The following TMEM45A variants were observed in gnomAD, a reference collection of about 807,000 sequenced individuals.
TMEM45A encodes the protein DNA polymerase-transactivated protein 4.
TMEM45A carries 25 observed loss-of-function variants against 32.0 expected under a neutral mutation model. The observed-to-expected ratio is 0.78, with a 90% CI of 0.57 to 1.09. TMEM45A has a LOEUF of 1.09. TMEM45A is among the 50% of genes least tolerant of loss of function. The pLI is 0.00. For synonymous variants in TMEM45A, 122 were observed against 114.8 expected, an observed-to-expected ratio of 1.06 and a Z score of -0.40; for missense variants, 302 against 325.0, an observed-to-expected ratio of 0.93 and a Z score of 0.54.
At chr3:100,497,083 A>G (rs1490581814) in intron 1 of TMEM45A, among the ~76,000 whole-genome samples, 1 of 152,164 alleles carries the variant, frequency 6.6e-6, no homozygotes, top group Non-Finnish European at 1.5e-5. Flanking sequence ...TTCCTTAAAT[A>G]TTTTGTGTAT....
At chr3:100,530,677 T>TA (rs1705628537) in intron 1 of TMEM45A, among the ~76,000 whole-genome samples, 1 of 152,278 alleles carries the variant, frequency 6.6e-6, no homozygotes, top group African/African-American at 2.4e-5. Flanking sequence ...AAAGATTCTT[T>TA]AAAAAATGTA....
chr3:100,556,352 C>A (rs1327272122), intron 2 of TMEM45A, among the ~76,000 whole-genome samples: 1 of 152,216 alleles, frequency 6.6e-6, no homozygotes, highest in African/African-American at 2.4e-5. Flanking sequence ...TGGTACCAAG[C>A]ACAATCCCCT....
chr3:100,570,764 C>T (rs1236810561), intron 5 of TMEM45A: 1 of 152,216 alleles, frequency 6.6e-6, no homozygotes, highest in African/African-American at 2.4e-5. Context: ...CCCTAATGGG[C>T]CTCTTATCCA....
At chr3:100,493,418 A>G (rs1707876883) in intron 1 of TMEM45A, among the ~76,000 whole-genome samples, 1 of 152,000 alleles carries the variant, frequency 6.6e-6, no homozygotes, top group Non-Finnish European at 1.5e-5. Flanking sequence ...TGGGTTATGC[A>G]GGTAGTTGCT....
intron 1 of TMEM45A, among the ~76,000 whole-genome samples, chr3:100,547,208 G>A (rs143322077): frequency 1.3e-5 from 2 of 152,106 alleles, no homozygotes; most frequent in East Asian, 1.9e-4. Context: ...TGCAACCTCC[G>A]CCTTCCAGGT....
chr3:100,561,216 G>A (rs1000422366), intron 4 of TMEM45A, among the ~76,000 whole-genome samples: 4 of 152,048 alleles, frequency 2.6e-5, no homozygotes, highest in Non-Finnish European at 5.9e-5. Flanking sequence ...GCTTCCAGTC[G>A]GTAAGTGTGG....
chr3:100,573,438 TG>T (rs1706613119), intron 5 of TMEM45A: 1 of 152,256 alleles, frequency 6.6e-6, no homozygotes. Flanking sequence ...TTGCGATTTT[TG>T]TACATTGATT....
chr3:100,538,752 AC>A (rs1162451353), intron 1 of TMEM45A, among the ~76,000 whole-genome samples: 3 of 152,196 alleles, frequency 2.0e-5, no homozygotes, highest in Non-Finnish European at 4.4e-5. Context: ...ATAAAAGTTA[AC>A]AAAAAGATAT....
At chr3:100,526,346 T>C (rs1705544208) in intron 1 of TMEM45A, among the ~76,000 whole-genome samples, 2 of 152,200 alleles carry the variant, frequency 1.3e-5, no homozygotes, top group African/African-American at 2.4e-5. Flanking sequence ...CATCTTCCCA[T>C]ATTTCTACTC....
chr3:100,540,645 A>T (rs970572525), intron 1 of TMEM45A, among the ~76,000 whole-genome samples: 1 of 152,214 alleles, frequency 6.6e-6, no homozygotes, highest in African/African-American at 2.4e-5. Context: ...TCTTACAAAG[A>T]TAACATACAA....
intron 1 of TMEM45A, among the ~76,000 whole-genome samples, chr3:100,512,129 AGAC>A (rs1359431842): frequency 3.3e-5 from 5 of 152,236 alleles, no homozygotes; most frequent in Non-Finnish European, 7.3e-5. Flanking sequence ...TGGACCTAAT[AGAC>A]ATCTGCAGAA....
chr3:100,555,490 A>G, intron 2 of TMEM45A, 89 bp downstream of exon 2: 3 of 1,339,008 alleles, frequency 2.2e-6, no homozygotes, highest in South Asian at 1.5e-5. Flanking sequence ...ATAATTTTAT[A>G]TCAATTGTTC....
intron 1 of TMEM45A, among the ~76,000 whole-genome samples, chr3:100,516,153 A>C (rs550926622): frequency 6.6e-6 from 1 of 152,176 alleles, no homozygotes; most frequent in African/African-American, 2.4e-5. Context: ...TGTTAAAAAG[A>C]GAGAGCATAG....
intron 1 of TMEM45A, among the ~76,000 whole-genome samples, chr3:100,521,388 G>T (rs537349711): frequency 3.5e-4 from 53 of 152,096 alleles, no homozygotes; most frequent in Admixed American, 1.8e-3. Flanking sequence ...CAAGTAGCTG[G>T]GATTACAGGC....
intron 1 of TMEM45A, among the ~76,000 whole-genome samples, chr3:100,543,126 C>T (rs906771418): frequency 6.6e-6 from 1 of 152,158 alleles, no homozygotes; most frequent in Non-Finnish European, 1.5e-5. Flanking sequence ...CTCACTGAAC[C>T]TAATGGTTTC....
At chr3:100,508,932 C>G (rs1448068453) in intron 1 of TMEM45A, among the ~76,000 whole-genome samples, 2 of 151,906 alleles carry the variant, frequency 1.3e-5, no homozygotes, top group East Asian at 1.9e-4. Flanking sequence ...ATTAAGACCT[C>G]AAAAGCACAC....
At chr3:100,502,708 T>G (rs1164653267) in intron 1 of TMEM45A, among the ~76,000 whole-genome samples, 2 of 152,196 alleles carry the variant, frequency 1.3e-5, no homozygotes, top group Admixed American at 6.5e-5. Context: ...TGGCCTCAAG[T>G]GATCCTCCTG....
chr3:100,567,885 C>T (rs948647766), intron 4 of TMEM45A, among the ~76,000 whole-genome samples: 3 of 151,990 alleles, frequency 2.0e-5, no homozygotes, highest in Non-Finnish European at 4.4e-5. Context: ...CCTGGGTTCA[C>T]GCCATTCTCC....
rs79453616 is a variant in TMEM45A at position 100,522,527 on chromosome 3, C to T, written c.-4+29599C>T. On this transcript the variant is annotated intron_variant, in intron 1 of 5. Transcript: ENST00000323523. ...CAAAATGAAGTTCTTCTTAAAAGTC[C>T]TAACTCTCTGGTGCTGGCCTATAGT... is the stretch of plus-strand genomic sequence containing the variant. Among the ~76,000 whole-genome samples, 117 of 152,284 alleles carry T rather than the reference C, an allele frequency of 7.7e-4. 1 individual carries two copies. In the East Asian group the frequency reaches 0.017, roughly 22 times the overall value.
Sources: allele counts gnomAD v4.1 joint callset (sites outside exome capture counted in the v4.1 genomes callset), GRCh38; gene constraint gnomAD v4.1.1; transcripts MANE v1.5; gene names NCBI Gene and HGNC (gene_info 2026-07-23, HGNC 2026-07-21).